Variants in UBIAD1 observed in about 807,000 individuals in gnomAD.
UBIAD1 encodes ubiA prenyltransferase domain-containing protein 1.
In UBIAD1, 12 loss-of-function variants were observed where a neutral mutation model predicts 20.1. The ratio of observed to expected loss-of-function variants is 0.60; its 90% CI spans 0.38 to 0.97. UBIAD1 has a LOEUF of 0.97. Ranked by LOEUF, UBIAD1 falls within the 50% of genes least tolerant of loss-of-function variation. UBIAD1 has a pLI of 0.00. For missense variants in UBIAD1, 333 were observed against 419.5 expected (o/e 0.79, Z 1.80); for synonymous variants, 207 against 189.2 (o/e 1.09, Z -0.77).
chr1:11,298,392 A>T (rs1638479443), downstream of UBIAD1, among the ~76,000 whole-genome samples: 1 of 151,832 alleles, frequency 6.6e-6, no homozygotes, highest in Non-Finnish European at 1.5e-5. This position sits in a 1 kb window ranked among gnomAD's most constrained non-coding sequence, Gnocchi z 4.0. Context: ...ATGTGGCAAA[A>T]ACCCATCTCT....
rs1651849315 is a variant in UBIAD1 at position 11,273,392 on chromosome 1, C to T, written c.-140C>T. Reference sequence around the variant, plus strand: ...GACCCACTTGCTGTTGCCCCCGGACCTTGCCGCCACACCAGCCCTGTCCTG... The same window carrying T: ...GACCCACTTGCTGTTGCCCCCGGACTTTGCCGCCACACCAGCCCTGTCCTG... On this transcript the variant is annotated 5_prime_UTR_variant, in exon 1 of 2. Transcript: ENST00000376810. The surrounding 1 kb of genome is among the most constrained non-coding windows in gnomAD (Gnocchi z 4.9). The T allele has an allele frequency of 9.2e-7, 1 of 1,088,320 alleles. No individual in the cohort carries two copies. 67.4% of individuals were successfully genotyped at this position (1,088,320 alleles called of 1,614,324 possible). A position where few individuals can be genotyped will look rare whatever the true frequency, so the allele number is the denominator to read the frequency against.
chr1:11,290,553 C>A (rs541207819), downstream of UBIAD1, among the ~76,000 whole-genome samples: 1 of 152,226 alleles, frequency 6.6e-6, no homozygotes, highest in Non-Finnish European at 1.5e-5. Context: ...TTCTTCTCTA[C>A]GCTTTGCAGG....
At chr1:11,292,996 G>C (rs1446934167), downstream of UBIAD1, among the ~76,000 whole-genome samples, 1 of 152,178 alleles carries the variant, frequency 6.6e-6, no homozygotes, top group Non-Finnish European at 1.5e-5. Context: ...TTGGGTTCCT[G>C]CCTGAGGAGG....
At chr1:11,298,403 A>G (rs1032470253), downstream of UBIAD1, among the ~76,000 whole-genome samples, 1 of 151,942 alleles carries the variant, frequency 6.6e-6, no homozygotes, top group South Asian at 2.1e-4. This position sits in a 1 kb window ranked among gnomAD's most constrained non-coding sequence, Gnocchi z 4.0. Flanking sequence ...ACCCATCTCT[A>G]CTAAAAATAC....
chr1:11,276,933 A>G (rs547564390), intron 1 of UBIAD1, among the ~76,000 whole-genome samples: 1 of 152,044 alleles, frequency 6.6e-6, no homozygotes, highest in African/African-American at 2.4e-5. Flanking sequence ...CACCCACACC[A>G]CTTCAAAAAT....
chr1:11,298,588 AT>A (rs1223763627), downstream of UBIAD1, among the ~76,000 whole-genome samples: 3 of 151,732 alleles, frequency 2.0e-5, no homozygotes, highest in African/African-American at 4.8e-5. This position sits in a 1 kb window ranked among gnomAD's most constrained non-coding sequence, Gnocchi z 4.0. Context: ...AAATAAATAA[AT>A]AAATAAATAA....
chr1:11,285,677 T>C lies in UBIAD1; in HGVS notation c.563T>C (p.Leu188Pro), dbSNP rs768373941. Residue 188 changes from leucine (L) to proline (P), a missense_variant, in exon 2 of 2, where the codon CTC becomes CCC. Transcript: ENST00000376810. The surrounding 1 kb of genome is among the most constrained non-coding windows in gnomAD (Gnocchi z 4.4). The part of the protein sequence containing the change: ...IGFKYVALGD[L>P]IILITFGPLA... ...TTCAAGTACGTGGCTCTGGGAGACC[T>C]CATCATCCTCATCACTTTTGGCCCG... 1 of 1,614,166 alleles carries C rather than the reference T, an allele frequency of 6.2e-7. No individual in the cohort carries two copies. Among genetic ancestry groups the C allele is most frequent in the Non-Finnish European group, 8.5e-7 (1 of 1,180,032 alleles).
downstream of UBIAD1, among the ~76,000 whole-genome samples, chr1:11,289,162 TGA>T (rs1037229044): frequency 2.6e-5 from 4 of 152,190 alleles, no homozygotes; most frequent in Non-Finnish European, 4.4e-5. Context: ...GATAAATTCC[TGA>T]GAGACTGAGC....
chr1:11,286,089 T>C lies in UBIAD1; in HGVS notation c.975T>C (p.Phe325=). ...LNLLLGLFYV[F]GIILAPAGSL... Reference sequence around the variant, plus strand: ...TCCTGCTGGGACTTTTCTATGTCTTTGGCATCATTCTGGCACCAGCAGGCA... The same window carrying C: ...TCCTGCTGGGACTTTTCTATGTCTTCGGCATCATTCTGGCACCAGCAGGCA... The change falls in exon 2 of 2, where the codon TTT becomes TTC. Residue 325 remains phenylalanine (F), a synonymous_variant. Transcript: ENST00000376810. The C allele has an allele frequency of 6.2e-7, 1 of 1,614,206 alleles. No homozygotes were observed. The highest frequency in any genetic ancestry group is 1.1e-5 in the South Asian group (1 of 91,082).
At position 11,273,588 on chromosome 1, in the gene UBIAD1, C is replaced by G; in HGVS notation, c.57C>G (p.Val19=). ...EKINILSGET[V]KAGDRDPLGN... Reference sequence around the variant, plus strand: ...TTAACATCCTGTCGGGAGAGACTGTCAAAGCTGGGGACAGGGACCCGCTGG... The same window carrying G: ...TTAACATCCTGTCGGGAGAGACTGTGAAAGCTGGGGACAGGGACCCGCTGG... The change falls in exon 1 of 2, where the codon GTC becomes GTG. Residue 19 remains valine, a synonymous_variant. Transcript: ENST00000376810. This position sits in a 1 kb window ranked among gnomAD's most constrained non-coding sequence, Gnocchi z 4.9. The G allele has an allele frequency of 6.2e-7, 1 of 1,613,756 alleles. No individual in the cohort carries two copies. Among genetic ancestry groups the G allele is most frequent in the Non-Finnish European group, 8.5e-7 (1 of 1,180,050 alleles).
rs575880081 is a variant in UBIAD1, at chr1:11,286,990, C to T, written c.*859C>T. The T allele has an allele frequency of 2.2e-4, 33 of 152,456 alleles. No individual in the cohort carries two copies. The highest frequency in any genetic ancestry group is 6.0e-4 in the African/African-American group (25 of 41,584). The allele number at this position is 152,456 out of a possible 1,614,324, so 9.4% of individuals were successfully genotyped here. A position where few individuals can be genotyped will look rare whatever the true frequency, so the allele number is the denominator to read the frequency against. Reference sequence around the variant, plus strand: ...ATCCTTGTGGGATACTCAAAGCCCACAGGGCTTTTCCCTCCCTATTGCATC... The same window carrying T: ...ATCCTTGTGGGATACTCAAAGCCCATAGGGCTTTTCCCTCCCTATTGCATC... On this transcript the variant is annotated 3_prime_UTR_variant, in exon 2 of 2. Transcript: ENST00000376810.
chr1:11,297,681 A>T (rs1205051361), downstream of UBIAD1, among the ~76,000 whole-genome samples: 2 of 152,158 alleles, frequency 1.3e-5, no homozygotes, highest in African/African-American at 4.8e-5. Flanking sequence ...GGGGTCAAAG[A>T]TTGTCAAGGT....
chr1:11,284,265 G>A (rs2101021837), intron 1 of UBIAD1, among the ~76,000 whole-genome samples: 1 of 152,250 alleles, frequency 6.6e-6, no homozygotes, highest in Middle Eastern at 3.4e-3. Flanking sequence ...GCCAGGCCAA[G>A]GGAGGGGTGT....
intron 1 of UBIAD1, among the ~76,000 whole-genome samples, 166 bp downstream of exon 1, chr1:11,274,226 AG>A (rs1170292636): frequency 6.6e-6 from 1 of 152,214 alleles, no homozygotes; most frequent in African/African-American, 2.4e-5. Context: ...CAGTGATTTG[AG>A]AAGATCCTGG....
In UBIAD1 at chr1:11,286,403, G is replaced by T. The variant is rs1159919158; in HGVS notation, c.*272G>T. 3 of 475,392 alleles carry T rather than the reference G, an allele frequency of 6.3e-6. No individual in the cohort carries two copies. The highest frequency in any genetic ancestry group is 1.1e-5 in the Non-Finnish European group (3 of 262,900). 29.4% of individuals were successfully genotyped at this position (475,392 alleles called of 1,614,324 possible). On this transcript the variant is annotated 3_prime_UTR_variant, in exon 2 of 2. Transcript: ENST00000376810. ...TTTTATTAATAATTTCCACTAGAGGGTGTTCTCAGGTCACTTTGCAGTGAA... is the reference window on the plus strand; with the variant it reads ...TTTTATTAATAATTTCCACTAGAGGTTGTTCTCAGGTCACTTTGCAGTGAA...
At chr1:11,277,807 G>T (rs991360913) in intron 1 of UBIAD1, among the ~76,000 whole-genome samples, 1 of 152,052 alleles carries the variant, frequency 6.6e-6, no homozygotes, top group African/African-American at 2.4e-5. Context: ...ACCACGCCCT[G>T]CTAATTTTGT....
In UBIAD1 at chr1:11,285,870, C is replaced by G. The variant is rs752925011; in HGVS notation, c.756C>G (p.Ile252Met). 1 of 1,614,216 alleles carries G rather than the reference C, an allele frequency of 6.2e-7. No individual in the cohort carries two copies. The highest frequency in any genetic ancestry group is 8.5e-7 in the Non-Finnish European group (1 of 1,180,042). ...GTATCGTCACGCTGGCCATCCTCATCGGCCCCACGTTCTCCTACATTCTCT... is the reference window on the plus strand; with the variant it reads ...GTATCGTCACGCTGGCCATCCTCATGGGCCCCACGTTCTCCTACATTCTCT... The part of the protein sequence containing the change: ...EAGIVTLAIL[I>M]GPTFSYILYN... Residue 252 changes from isoleucine (I) to methionine (M), a missense_variant, in exon 2 of 2, where the codon ATC becomes ATG. Ile to Met is a conservative substitution (Grantham distance 10). Transcript: ENST00000376810. This position sits in a 1 kb window ranked among gnomAD's most constrained non-coding sequence, Gnocchi z 4.4.
At chr1:11,291,683 G>A (rs1638369703), downstream of UBIAD1, among the ~76,000 whole-genome samples, 1 of 151,906 alleles carries the variant, frequency 6.6e-6, no homozygotes, top group Non-Finnish European at 1.5e-5. Context: ...ATGCATGTGT[G>A]TGCACGCGTG....
At chr1:11,279,965 A>G (rs1196520551) in intron 1 of UBIAD1, among the ~76,000 whole-genome samples, 1 of 152,216 alleles carries the variant, frequency 6.6e-6, no homozygotes, top group Non-Finnish European at 1.5e-5. Flanking sequence ...GATGTGAGCA[A>G]GCATCCAGAG....
Sources: allele counts gnomAD v4.1 joint callset (sites outside exome capture counted in the v4.1 genomes callset), GRCh38; gene constraint gnomAD v4.1.1; non-coding constraint Gnocchi (gnomAD v3.1); transcripts MANE v1.5; gene names NCBI Gene and HGNC (gene_info 2026-07-23, HGNC 2026-07-21).